PPM1H: variants seen among roughly 807,000 people sequenced by gnomAD.
PPM1H encodes protein phosphatase, Mg2+/Mn2+ dependent 1H.
A neutral mutation model predicts 54.9 loss-of-function variants in PPM1H; 27 were observed. That is an observed-to-expected ratio of 0.49 (90% CI 0.36 to 0.68). The LOEUF (loss-of-function observed/expected upper bound fraction) is 0.68, where lower values mean the gene tolerates loss of function less well. Ranked by LOEUF, PPM1H falls within the 30% of genes least tolerant of loss-of-function variation. The pLI, the probability that PPM1H is intolerant of heterozygous loss-of-function variation, is 0.00. For synonymous variants in PPM1H, 305 were observed against 270.8 expected, an observed-to-expected ratio of 1.13 and a Z score of -1.24; for missense variants, 596 against 667.8, an observed-to-expected ratio of 0.89 and a Z score of 1.19.
In PPM1H at chr12:62,934,595, C is replaced by T; in HGVS notation, c.142G>A (p.Gly48Arg). 3 of 1,572,248 alleles carry T rather than the reference C, an allele frequency of 1.9e-6. No individual in the cohort carries two copies. Among genetic ancestry groups the T allele is most frequent in the Admixed American group, 1.9e-5 (1 of 53,470 alleles). The stretch of plus-strand genomic sequence containing the variant: ...CACTCCACCTCGTCCTGAGACAGCC[C>T]CAGGAACTCTGGCCGCCCGTAGGGG... ...RFPYGRPEFL[G>R]LSQDEVECSA... Residue 48 changes from glycine to arginine, a missense_variant, in exon 1 of 10, where the codon GGG becomes AGG. Around this residue, in one of 3 missense-constraint regions of PPM1H, gnomAD observed 382 missense variants for 387.1 expected, o/e 0.99. Coordinates refer to ENST00000228705, the MANE Select transcript of PPM1H (RefSeq NM_020700.2). This position sits in a 1 kb window ranked among gnomAD's most constrained non-coding sequence, Gnocchi z 4.2.
chr12:62,689,878 G>A, intron 7 of PPM1H, 72 bp from the exon 8 acceptor site: 1 of 1,067,752 alleles, frequency 9.4e-7, no homozygotes, highest in East Asian at 2.6e-5. Context: ...GCAGCTGCCT[G>A]GGCTAGGAAC....
intron 2 of PPM1H, among the ~76,000 whole-genome samples, chr12:62,805,115 T>A (rs1447249800): frequency 6.6e-6 from 1 of 152,248 alleles, no homozygotes; most frequent in East Asian, 1.9e-4. Context: ...TATGAAAACA[T>A]GCTCAAAATC....
At chr12:62,784,310 A>C (rs1202616691) in intron 4 of PPM1H, among the ~76,000 whole-genome samples, 1 of 152,022 alleles carries the variant, frequency 6.6e-6, no homozygotes, top group Non-Finnish European at 1.5e-5. Flanking sequence ...TGACTCAAAA[A>C]CCCATAAAGC....
At chr12:62,728,635 T>C (rs1488627632) in intron 5 of PPM1H, among the ~76,000 whole-genome samples, 1 of 151,852 alleles carries the variant, frequency 6.6e-6, no homozygotes, top group Non-Finnish European at 1.5e-5. Context: ...AAGTCTAGAG[T>C]AGGTGAGCAA....
intron 1 of PPM1H, among the ~76,000 whole-genome samples, chr12:62,866,831 C>G (rs551291621): frequency 6.6e-6 from 1 of 151,890 alleles, no homozygotes. Flanking sequence ...AGCACTGTTC[C>G]CCTTTCTCCA....
rs146514506 is a variant in PPM1H at position 62,771,675 on chromosome 12, C to G, written c.869+16551G>C. 5.4e-3 allele frequency among the ~76,000 whole-genome samples: 828 copies of G among 152,294 alleles called. 9 individuals carry two copies. Among genetic ancestry groups the G allele is most frequent in the African/African-American group, 0.019 (779 of 41,550 alleles). ...GGCAGAAATAATATATTGATAATCA[C>G]TGTTGATAACTAGCATTTATTAGGT... is the stretch of plus-strand genomic sequence containing the variant. On this transcript the variant is annotated intron_variant, in intron 4 of 9. Coordinates refer to ENST00000228705, the MANE Select transcript of PPM1H (RefSeq NM_020700.2).
chr12:62,933,466 G>A (rs887211470), intron 1 of PPM1H, among the ~76,000 whole-genome samples: 2 of 152,108 alleles, frequency 1.3e-5, no homozygotes, highest in Non-Finnish European at 2.9e-5. Context: ...GGATAGGGGA[G>A]GGCCAAAACT....
chr12:62,673,597 A>G (rs982185877), intron 8 of PPM1H, among the ~76,000 whole-genome samples: 2 of 152,062 alleles, frequency 1.3e-5, no homozygotes, highest in East Asian at 3.8e-4. Flanking sequence ...ATGTAGGACA[A>G]TGAGCTCCTG....
intron 3 of PPM1H, among the ~76,000 whole-genome samples, chr12:62,793,648 C>T (rs2076713064): frequency 6.8e-6 from 1 of 146,526 alleles, no homozygotes; most frequent in Non-Finnish European, 1.5e-5. Flanking sequence ...TGCTTGAACC[C>T]GGGAGGTGGA....
intron 1 of PPM1H, among the ~76,000 whole-genome samples, chr12:62,839,878 A>AAAAAAAAAAAAAAC (rs1565805540): frequency 2.7e-5 from 4 of 150,248 alleles, no homozygotes; most frequent in African/African-American, 9.9e-5. Context: ...TTTCTACAAA[A>AAAAAAAAAAAAAAC]AAAAAAAAAA....
In PPM1H at chr12:62,769,328, C is replaced by T. The variant is rs139214107; in HGVS notation, c.869+18898G>A. Among the ~76,000 whole-genome samples the T allele has an allele frequency of 5.0e-4, 76 of 152,294 alleles. No individual in the cohort carries two copies. The South Asian group carries it at 6.4e-3, about 13-fold the overall frequency. On this transcript the variant is annotated intron_variant, in intron 4 of 9. Transcript: ENST00000228705. ...AAAGGTGGTGTCCCTAACCAGAATA[C>T]CGCTTTACCCTTTTAAGTGGCAGAA...
At chr12:62,683,022 A>G (rs987699853) in intron 8 of PPM1H, among the ~76,000 whole-genome samples, 3 of 143,806 alleles carry the variant, frequency 2.1e-5, no homozygotes, top group African/African-American at 7.6e-5. Context: ...TACATTTGGG[A>G]GAGTTTATTA....
chr12:62,845,423 A>G (rs1177854613), intron 1 of PPM1H, among the ~76,000 whole-genome samples: 3 of 152,250 alleles, frequency 2.0e-5, no homozygotes, highest in Non-Finnish European at 4.4e-5. Context: ...TACTTCTTTC[A>G]GAGCTAAAAT....
intron 2 of PPM1H, among the ~76,000 whole-genome samples, chr12:62,811,612 C>T (rs1242513966): frequency 6.6e-6 from 1 of 152,204 alleles, no homozygotes; most frequent in Non-Finnish European, 1.5e-5. Flanking sequence ...GGGAGGGACC[C>T]TGTCGGAGGT....
At chr12:62,658,779 AAAAGAAAG>A (rs1181486989) in intron 9 of PPM1H, 2 of 434,740 alleles carry the variant, frequency 4.6e-6, no homozygotes, top group Non-Finnish European at 8.7e-6. Context: ...ACTGTGATAG[AAAAGAAAG>A]AAAGAAAGAG....
intron 7 of PPM1H, among the ~76,000 whole-genome samples, chr12:62,691,021 G>C (rs1014199804): frequency 2.6e-5 from 4 of 152,104 alleles, no homozygotes; most frequent in Admixed American, 2.6e-4. Flanking sequence ...TGGTAAGGGA[G>C]ATAAGAGGGA....
intron 4 of PPM1H, among the ~76,000 whole-genome samples, chr12:62,754,430 G>T (rs1053243461): frequency 6.6e-6 from 1 of 152,160 alleles, no homozygotes; most frequent in Non-Finnish European, 1.5e-5. Flanking sequence ...AGCCAGGCTT[G>T]GTGACACATG....
At chr12:62,681,601 C>A (rs147645795) in intron 8 of PPM1H, among the ~76,000 whole-genome samples, 1 of 152,198 alleles carries the variant, frequency 6.6e-6, no homozygotes, top group South Asian at 2.1e-4. Context: ...TCACACTAGA[C>A]GATTTCTTCC....
At chr12:62,727,667 T>TTATTA (rs2076297705) in intron 5 of PPM1H, among the ~76,000 whole-genome samples, 1 of 147,920 alleles carries the variant, frequency 6.8e-6, no homozygotes, top group South Asian at 2.1e-4. Context: ...ATTATTATTA[T>TTATTA]TATTATTATT....
Sources: gnomAD v4.1 joint callset for allele counts (sites outside exome capture counted in the v4.1 genomes callset) on GRCh38, gnomAD v4.1.1 for gene constraint, gnomAD v4.1.1 regional missense constraint, Gnocchi (gnomAD v3.1) non-coding constraint, MANE v1.5 for transcripts, NCBI Gene and HGNC (gene_info 2026-07-23, HGNC 2026-07-21) for gene names.